NTM: variants seen among roughly 807,000 people sequenced by gnomAD.
The protein encoded by NTM is neurotrimin.
In NTM, 13 loss-of-function variants were observed where a neutral mutation model predicts 42.1. The observed-to-expected ratio is 0.31, with a 90% confidence interval of 0.20 to 0.49. NTM has a LOEUF of 0.49. NTM is among the 20% of genes least tolerant of loss of function. The pLI, the probability that NTM is intolerant of heterozygous loss-of-function variation, is 0.99. For missense variants in NTM, 373 were observed against 452.8 expected (o/e 0.82, Z 1.60); for synonymous variants, 187 against 179.2 (o/e 1.04, Z -0.35).
intron 1 of NTM, among the ~76,000 whole-genome samples, chr11:131,483,252 C>T (rs1320072207): frequency 6.6e-6 from 1 of 152,146 alleles, no homozygotes; most frequent in Non-Finnish European, 1.5e-5. Flanking sequence ...TTCCAACTTT[C>T]CTAATGAGTT....
chr11:132,173,934 A>C (rs1054268444), intron 3 of NTM, among the ~76,000 whole-genome samples: 2 of 152,158 alleles, frequency 1.3e-5, no homozygotes, highest in African/African-American at 4.8e-5. Context: ...TGTGAAAAAC[A>C]AACAAAAACC....
intron 4 of NTM, among the ~76,000 whole-genome samples, chr11:132,280,030 G>T (rs1190111834): frequency 2.0e-5 from 3 of 152,148 alleles, no homozygotes; most frequent in African/African-American, 4.8e-5. Flanking sequence ...TTGATAGTCT[G>T]TCTCCAGCTC....
At chr11:132,040,588 C>T (rs542096377) in intron 2 of NTM, among the ~76,000 whole-genome samples, 1 of 152,216 alleles carries the variant, frequency 6.6e-6, no homozygotes, top group Non-Finnish European at 1.5e-5. Flanking sequence ...CCTGCTTTCT[C>T]CCAGGTCCCC....
intron 8 of NTM, among the ~76,000 whole-genome samples, chr11:132,334,235 C>G (rs1483681365): frequency 6.6e-6 from 1 of 152,230 alleles, no homozygotes; most frequent in Non-Finnish European, 1.5e-5. Context: ...AGGGAAGCTG[C>G]TGGGGAACTG....
chr11:131,417,874 C>T (rs1193198961), intron 1 of NTM, among the ~76,000 whole-genome samples: 1 of 152,182 alleles, frequency 6.6e-6, no homozygotes, highest in Non-Finnish European at 1.5e-5. Flanking sequence ...ACCTAGAAGT[C>T]CCTTTGGCAG....
intron 2 of NTM, among the ~76,000 whole-genome samples, chr11:131,979,030 G>A (rs11222856): frequency 0.38 from 57,953 of 151,840 alleles, 11,505 homozygotes; most frequent in East Asian, 0.58. Context: ...CATGTAAATC[G>A]CTCGCTCTTG....
Position 131,932,320 on chromosome 11 carries a change from A to G in NTM, c.167+20672A>G, listed in dbSNP as rs558420663. 9.8e-5 allele frequency among the ~76,000 whole-genome samples: 15 copies of G among 152,364 alleles called. No homozygotes were observed. The South Asian group carries it at 2.9e-3, about 29-fold the overall frequency. On this transcript the variant is annotated intron_variant, in intron 2 of 8. Transcript: ENST00000683400. ...GCCTATGATTCCAAGTAGGATGTCT[A>G]GAACAAGAATAATCCCTTGCTTATC...
At chr11:132,130,661 T>C (rs1295841820) in intron 2 of NTM, among the ~76,000 whole-genome samples, 1 of 152,192 alleles carries the variant, frequency 6.6e-6, no homozygotes, top group Admixed American at 6.5e-5. Context: ...TCCTGGACCT[T>C]TCCTCTCTCC....
At chr11:131,953,687 G>A (rs1229631122) in intron 2 of NTM, among the ~76,000 whole-genome samples, 2 of 152,016 alleles carry the variant, frequency 1.3e-5, no homozygotes, top group Non-Finnish European at 1.5e-5. Context: ...AATACAAAAT[G>A]ATCACAGGCA....
chr11:131,960,891 G>C (rs2062088707), intron 2 of NTM, among the ~76,000 whole-genome samples: 1 of 152,086 alleles, frequency 6.6e-6, no homozygotes, highest in East Asian at 1.9e-4. Context: ...GGTGCAGGAG[G>C]GTCAATATTG....
chr11:131,919,320 A>G (rs1437519758), intron 2 of NTM, among the ~76,000 whole-genome samples: 1 of 152,188 alleles, frequency 6.6e-6, no homozygotes, highest in Non-Finnish European at 1.5e-5. Context: ...GATAACTAAT[A>G]CTAAATAAAT....
intron 2 of NTM, among the ~76,000 whole-genome samples, chr11:131,922,426 C>A (rs922423412): frequency 6.6e-6 from 1 of 152,218 alleles, no homozygotes; most frequent in Non-Finnish European, 1.5e-5. Flanking sequence ...CCAGCCAGTA[C>A]CCTTGACGCA....
At chr11:131,810,844 C>T (rs1592017027) in intron 1 of NTM, among the ~76,000 whole-genome samples, 1 of 152,092 alleles carries the variant, frequency 6.6e-6, no homozygotes, top group South Asian at 2.1e-4. Flanking sequence ...CTTGGATTTC[C>T]CTGCCGAAAA....
intron 4 of NTM, among the ~76,000 whole-genome samples, chr11:132,248,383 A>T (rs558329358): frequency 2.0e-5 from 3 of 150,458 alleles, no homozygotes; most frequent in African/African-American, 7.3e-5. Flanking sequence ...TGGCAGTGCT[A>T]TAGCCCTTGA....
chr11:131,401,834 A>ATGTG (rs1454350997), intron 1 of NTM, among the ~76,000 whole-genome samples: 5 of 86,256 alleles, frequency 5.8e-5, no homozygotes, highest in Admixed American at 1.2e-4. Flanking sequence ...ATATATATAT[A>ATGTG]TATATATATA....
intron 4 of NTM, chr11:132,306,251 T>C (rs2095075951): frequency 6.6e-6 from 1 of 152,178 alleles, no homozygotes; most frequent in Non-Finnish European, 1.5e-5. Context: ...AATCATCCCT[T>C]ACATACCGCA....
intron 4 of NTM, among the ~76,000 whole-genome samples, chr11:132,278,684 C>T (rs895930931): frequency 5.3e-5 from 8 of 151,490 alleles, no homozygotes; most frequent in South Asian, 2.1e-4. Flanking sequence ...GTCTTAGCTT[C>T]GTAATGCTGC....
At chr11:132,273,308 T>C (rs71470698) in intron 4 of NTM, among the ~76,000 whole-genome samples, 2 of 94,414 alleles carry the variant, frequency 2.1e-5, no homozygotes, top group East Asian at 3.6e-4. Context: ...TGTTGACTAG[T>C]GTTTTTTTTT....
chr11:131,669,614 C>T (rs1021719773), intron 1 of NTM, among the ~76,000 whole-genome samples: 10 of 152,194 alleles, frequency 6.6e-5, no homozygotes, highest in South Asian at 6.2e-4. Flanking sequence ...GCGGTGGGGG[C>T]ACCGAGGCTT....
Sources: allele counts gnomAD v4.1 joint callset (sites outside exome capture counted in the v4.1 genomes callset), GRCh38; gene constraint gnomAD v4.1.1; transcripts MANE v1.5; gene names NCBI Gene and HGNC (gene_info 2026-07-23, HGNC 2026-07-21).